Variants in FAT3 observed in about 807,000 individuals in gnomAD.
The protein encoded by FAT3 is FAT atypical cadherin 3.
Under a neutral mutation model 310.2 loss-of-function variants are expected in FAT3, and 95 were observed. The observed-to-expected ratio is 0.31, with a 90% confidence interval of 0.26 to 0.36. The LOEUF is 0.36. Ranked by LOEUF, FAT3 falls within the 10% of genes least tolerant of loss-of-function variation. The probability of loss-of-function intolerance (pLI) is 1.00; values close to 1 mark genes in which losing one functional copy is unlikely to be tolerated. For synonymous variants in FAT3, 2,314 were observed against 2,192.9 expected (o/e 1.06, Z -1.54); for missense variants, 5,408 against 5,715.6 (o/e 0.95, Z 1.74).
intron 2 of FAT3, among the ~76,000 whole-genome samples, chr11:92,502,395 A>G (rs374567806): frequency 6.6e-6 from 1 of 152,102 alleles, no homozygotes; most frequent in Non-Finnish European, 1.5e-5. Context: ...AGGCCAATGC[A>G]TCAGGAGTAT....
chr11:92,606,718 G>A (rs1017222526), intron 3 of FAT3, among the ~76,000 whole-genome samples: 1 of 152,144 alleles, frequency 6.6e-6, no homozygotes, highest in South Asian at 2.1e-4. Context: ...GAGACAAAAT[G>A]GCCAACTGAC....
intron 4 of FAT3, among the ~76,000 whole-genome samples, chr11:92,757,520 T>C (rs1461047287): frequency 6.6e-6 from 1 of 152,160 alleles, no homozygotes; most frequent in Non-Finnish European, 1.5e-5. Context: ...ACTCCTTTCA[T>C]ATGGGCTAAT....
At chr11:92,610,806 A>G (rs906814226) in intron 3 of FAT3, among the ~76,000 whole-genome samples, 11 of 152,212 alleles carry the variant, frequency 7.2e-5, no homozygotes, top group Non-Finnish European at 1.2e-4. Context: ...GCTCACTTAC[A>G]GTGCCTGGCA....
At chr11:92,763,527 C>T (rs1025233991) in intron 5 of FAT3, among the ~76,000 whole-genome samples, 2 of 152,166 alleles carry the variant, frequency 1.3e-5, no homozygotes, top group South Asian at 2.1e-4. Context: ...TCACAGCTGC[C>T]CTGTTCTCCA....
At chr11:92,579,622 T>G (rs182274906) in intron 3 of FAT3, among the ~76,000 whole-genome samples, 1 of 152,210 alleles carries the variant, frequency 6.6e-6, no homozygotes, top group Admixed American at 6.6e-5. Flanking sequence ...GGCTCCTTTA[T>G]TTCAGGACCC....
chr11:92,805,528 G>C (rs987879266), intron 11 of FAT3, among the ~76,000 whole-genome samples, 179 bp downstream of exon 11: 2 of 150,862 alleles, frequency 1.3e-5, no homozygotes, highest in Admixed American at 1.3e-4. Context: ...AAAGAGTATA[G>C]GTAGCAAGAT....
At chr11:92,760,617 C>T (rs1402710530) in intron 4 of FAT3, among the ~76,000 whole-genome samples, 2 of 152,158 alleles carry the variant, frequency 1.3e-5, no homozygotes, top group Non-Finnish European at 2.9e-5. Context: ...TAACAATGAT[C>T]TGTTTTGAGC....
intron 3 of FAT3, among the ~76,000 whole-genome samples, chr11:92,592,261 T>C (rs1939466588): frequency 6.6e-6 from 1 of 150,668 alleles, no homozygotes. Flanking sequence ...ATCTAATCAC[T>C]AACTCTTTTG....
At chr11:92,789,705 T>G (rs1437305540) in intron 7 of FAT3, among the ~76,000 whole-genome samples, 42 of 152,234 alleles carry the variant, frequency 2.8e-4, no homozygotes. Context: ...AGCTGTTCAA[T>G]TAATAGTGAG....
chr11:92,330,884 T>G (rs1238993200), intron 1 of FAT3, among the ~76,000 whole-genome samples: 1 of 152,052 alleles, frequency 6.6e-6, no homozygotes, highest in Non-Finnish European at 1.5e-5. Flanking sequence ...TTTTAATGAG[T>G]TCACATTGAC....
At chr11:92,567,780 G>A (rs541709132) in intron 3 of FAT3, among the ~76,000 whole-genome samples, 7 of 151,924 alleles carry the variant, frequency 4.6e-5, no homozygotes, top group African/African-American at 7.2e-5. Flanking sequence ...GTAAACTTTC[G>A]CAAGAGCAAA....
At chr11:92,722,247 A>G (rs1046584566) in intron 4 of FAT3, among the ~76,000 whole-genome samples, 1 of 152,188 alleles carries the variant, frequency 6.6e-6, no homozygotes, top group African/African-American at 2.4e-5. Flanking sequence ...TCCAAATGGG[A>G]GAAATTGGCC....
chr11:92,523,793 G>A (rs1953762020), intron 2 of FAT3, among the ~76,000 whole-genome samples: 1 of 152,096 alleles, frequency 6.6e-6, no homozygotes, highest in Non-Finnish European at 1.5e-5. Flanking sequence ...CTAGTGATTG[G>A]GTAAGTGTTG....
At chr11:92,644,606 A>G (rs1942083102) in intron 3 of FAT3, among the ~76,000 whole-genome samples, 1 of 152,210 alleles carries the variant, frequency 6.6e-6, no homozygotes, top group African/African-American at 2.4e-5. Flanking sequence ...TTATGAGTTC[A>G]CGGACACATG....
intron 1 of FAT3, among the ~76,000 whole-genome samples, chr11:92,292,021 G>A (rs1221501333): frequency 6.6e-6 from 1 of 151,934 alleles, no homozygotes; most frequent in African/African-American, 2.4e-5. Context: ...ATATTTATTT[G>A]TGTAAGTAAC....
chr11:92,287,221 T>A (rs921873091), intron 1 of FAT3, among the ~76,000 whole-genome samples: 2 of 152,166 alleles, frequency 1.3e-5, no homozygotes, highest in Non-Finnish European at 2.9e-5. Context: ...AAGCTTTTTT[T>A]TATAAAACAA....
At chr11:92,592,554 T>G (rs1346918037) in intron 3 of FAT3, among the ~76,000 whole-genome samples, 1 of 152,044 alleles carries the variant, frequency 6.6e-6, no homozygotes, top group Non-Finnish European at 1.5e-5. Flanking sequence ...ATTCCTGACC[T>G]CATGATCTGC....
chr11:92,608,071 A>G (rs1488232932), intron 3 of FAT3, among the ~76,000 whole-genome samples: 1 of 152,094 alleles, frequency 6.6e-6, no homozygotes, highest in East Asian at 1.9e-4. Context: ...GGGTTTAAGT[A>G]TGTTCAGGAA....
chr11:92,880,811 C>G lies in FAT3; in HGVS notation c.12208C>G (p.Arg4070Gly), dbSNP rs760090138. 2 of 1,613,880 alleles carry G rather than the reference C, an allele frequency of 1.2e-6. No homozygotes were observed. Among genetic ancestry groups the G allele is most frequent in the South Asian group, 1.1e-5 (1 of 91,074 alleles). Residue 4070 changes from arginine (R) to glycine (G), a missense_variant, in exon 23 of 28, where the codon CGG becomes GGG. Coordinates refer to ENST00000525166, the MANE Select transcript of FAT3 (RefSeq NM_001367949.2). ...EITACFPNPC[R>G]NGGSCDPIGN... ...TACAGCCTGCTTCCCAAACCCCTGCCGGAATGGAGGATCCTGCGATCCAAT... is the reference window on the plus strand; with the variant it reads ...TACAGCCTGCTTCCCAAACCCCTGCGGGAATGGAGGATCCTGCGATCCAAT...
Sources: allele counts gnomAD v4.1 joint callset (sites outside exome capture counted in the v4.1 genomes callset), GRCh38; gene constraint gnomAD v4.1.1; transcripts MANE v1.5; gene names NCBI Gene and HGNC (gene_info 2026-07-23, HGNC 2026-07-21).